TRAPPC9: variants seen among roughly 807,000 people sequenced by gnomAD.
TRAPPC9 encodes IKK2 binding protein.
In TRAPPC9, 83 loss-of-function variants were observed where a neutral mutation model predicts 124.0. That is an observed-to-expected ratio of 0.67 (90% CI 0.56 to 0.80). The LOEUF (loss-of-function observed/expected upper bound fraction) is 0.80, where lower values mean the gene tolerates loss of function less well. Among genes scored for constraint, TRAPPC9 ranks in the 30% least tolerant of loss-of-function variants. The pLI is 0.00. For missense variants in TRAPPC9, 1,302 were observed against 1,508.3 expected (o/e 0.86, Z 2.27); for synonymous variants, 638 against 617.5 (o/e 1.03, Z -0.49).
At chr8:140,175,420 C>T (rs1260122109) in intron 17 of TRAPPC9, among the ~76,000 whole-genome samples, 1 of 151,946 alleles carries the variant, frequency 6.6e-6, no homozygotes, top group African/African-American at 2.4e-5. Flanking sequence ...AAGCAAGCAG[C>T]ACCTGAGATG....
chr8:139,895,225 G>A (rs1335425801), intron 20 of TRAPPC9, among the ~76,000 whole-genome samples: 1 of 152,236 alleles, frequency 6.6e-6, no homozygotes, highest in Admixed American at 6.5e-5. Flanking sequence ...CCCTGTTGAC[G>A]AGGCGGGGGG....
intron 2 of TRAPPC9, among the ~76,000 whole-genome samples, chr8:140,440,746 T>G (rs1001653020): frequency 1.6e-4 from 24 of 152,158 alleles, no homozygotes; most frequent in African/African-American, 5.5e-4. Flanking sequence ...AGTCCATAGC[T>G]AGCCCCTCCC....
chr8:139,954,736 A>G (rs905480502), intron 19 of TRAPPC9, among the ~76,000 whole-genome samples: 3 of 152,228 alleles, frequency 2.0e-5, no homozygotes, highest in African/African-American at 7.2e-5. Context: ...GAACAAAGGT[A>G]GAGGTGCTCA....
At chr8:140,004,728 T>TC (rs1838638155) in intron 18 of TRAPPC9, among the ~76,000 whole-genome samples, 1 of 152,128 alleles carries the variant, frequency 6.6e-6, no homozygotes, top group Non-Finnish European at 1.5e-5. Flanking sequence ...CCCGCCAAGG[T>TC]CCAGCATGTC....
intron 7 of TRAPPC9, 60 bp downstream of exon 7, chr8:140,397,560 G>A (rs2069132749): frequency 1.9e-6 from 3 of 1,599,442 alleles, no homozygotes; most frequent in Non-Finnish European, 1.7e-6. Context: ...TGAATTCATA[G>A]TGAATCAATT....
At chr8:140,172,208 C>T (rs1405490583) in intron 17 of TRAPPC9, among the ~76,000 whole-genome samples, 4 of 152,076 alleles carry the variant, frequency 2.6e-5, no homozygotes, top group East Asian at 3.9e-4. Context: ...AGCACAGCAA[C>T]GTGAAACAGA....
At chr8:140,150,406 G>A (rs765917424) in intron 17 of TRAPPC9, among the ~76,000 whole-genome samples, 1 of 152,136 alleles carries the variant, frequency 6.6e-6, no homozygotes, top group South Asian at 2.1e-4. Flanking sequence ...CCGAGATCAC[G>A]CCACTGCACT....
intron 16 of TRAPPC9, among the ~76,000 whole-genome samples, chr8:140,250,395 A>G (rs1205691739): frequency 6.6e-6 from 1 of 152,148 alleles, no homozygotes; most frequent in Non-Finnish European, 1.5e-5. Context: ...CAGTAACCAT[A>G]ATTAATGCGA....
chr8:139,796,085 AAGG>A (rs1823058272), intron 21 of TRAPPC9, among the ~76,000 whole-genome samples: 1 of 106,516 alleles, frequency 9.4e-6, no homozygotes, highest in South Asian at 3.3e-4. Flanking sequence ...GGAAGAGGAG[AAGG>A]AGGAGGAAGA....
intron 21 of TRAPPC9, among the ~76,000 whole-genome samples, chr8:139,860,228 A>C (rs886141571): frequency 6.6e-6 from 1 of 152,186 alleles, no homozygotes; most frequent in Non-Finnish European, 1.5e-5. Context: ...AAAAAAGCCC[A>C]CATCATCTTC....
At chr8:140,046,069 C>A (rs1218089104) in intron 17 of TRAPPC9, among the ~76,000 whole-genome samples, 3 of 152,176 alleles carry the variant, frequency 2.0e-5, no homozygotes, top group Non-Finnish European at 4.4e-5. Context: ...TGTGACACAG[C>A]AAGCCACCCT....
chr8:140,072,564 GGAGA>G (rs1162748685), intron 17 of TRAPPC9, among the ~76,000 whole-genome samples: 3 of 35,996 alleles, frequency 8.3e-5, no homozygotes, highest in Non-Finnish European at 1.3e-4. Context: ...AGGAGGAGGA[GGAGA>G]AAGGAAGGAG....
intron 17 of TRAPPC9, among the ~76,000 whole-genome samples, chr8:140,138,690 G>A (rs952224837): frequency 1.3e-5 from 2 of 152,182 alleles, no homozygotes; most frequent in East Asian, 3.8e-4. Flanking sequence ...TTGTCCACTC[G>A]CAGTATAAAC....
chr8:140,124,198 G>A (rs2061039275), intron 17 of TRAPPC9, among the ~76,000 whole-genome samples: 1 of 152,224 alleles, frequency 6.6e-6, no homozygotes, highest in Non-Finnish European at 1.5e-5. Context: ...AGTTCTAGAG[G>A]TCAGAAGCCT....
At chr8:140,439,423 G>C (rs1204442173) in intron 2 of TRAPPC9, among the ~76,000 whole-genome samples, 1 of 152,138 alleles carries the variant, frequency 6.6e-6, no homozygotes, top group Non-Finnish European at 1.5e-5. Flanking sequence ...CGGTACGTAA[G>C]GACTTCTACC....
intron 7 of TRAPPC9, among the ~76,000 whole-genome samples, chr8:140,374,000 A>T (rs2068362033): frequency 6.6e-6 from 1 of 152,380 alleles, no homozygotes; most frequent in Non-Finnish European, 1.5e-5. Flanking sequence ...GTTCATAAGC[A>T]AAAGCATTTC....
chr8:139,773,153 T>C (rs1177911522), intron 21 of TRAPPC9, among the ~76,000 whole-genome samples: 3 of 152,230 alleles, frequency 2.0e-5, no homozygotes, highest in Non-Finnish European at 2.9e-5. Context: ...GTCACGTGGC[T>C]GCACCTACCC....
chr8:140,089,756 G>C (rs1191479665), intron 17 of TRAPPC9, among the ~76,000 whole-genome samples: 1 of 152,084 alleles, frequency 6.6e-6, no homozygotes, highest in Non-Finnish European at 1.5e-5. Context: ...TGAGTAGGCT[G>C]GTAGACCTTC....
At chr8:140,355,567 GAAAA>G (rs1465042154) in intron 9 of TRAPPC9, among the ~76,000 whole-genome samples, 5 of 151,272 alleles carry the variant, frequency 3.3e-5, no homozygotes, top group Admixed American at 1.3e-4. Context: ...CTTAAAAAGA[GAAAA>G]AGAAAAAAAA....
Sources: allele counts gnomAD v4.1 joint callset (sites outside exome capture counted in the v4.1 genomes callset), GRCh38; gene constraint gnomAD v4.1.1; transcripts MANE v1.5; gene names NCBI Gene and HGNC (gene_info 2026-07-23, HGNC 2026-07-21).